Variants in PDE1A observed in about 807,000 individuals in gnomAD.
PDE1A encodes the protein dual specificity calcium/calmodulin-dependent 3',5'-cyclic nucleotide phosphodiesterase 1A.
Under a neutral mutation model 61.7 loss-of-function variants are expected in PDE1A, and 35 were observed. The ratio of observed to expected loss-of-function variants is 0.57; its 90% CI spans 0.43 to 0.75. PDE1A has a LOEUF of 0.75. Ranked by LOEUF, PDE1A falls within the 30% of genes least tolerant of loss-of-function variation. The pLI, the probability that PDE1A is intolerant of heterozygous loss-of-function variation, is 0.00. For synonymous variants in PDE1A, 232 were observed against 213.2 expected, an observed-to-expected ratio of 1.09 and a Z score of -0.77; for missense variants, 597 against 630.6, an observed-to-expected ratio of 0.95 and a Z score of 0.57.
chr2:182,474,318 T>C (rs1220368072), intron 2 of PDE1A, among the ~76,000 whole-genome samples: 2 of 151,908 alleles, frequency 1.3e-5, no homozygotes, highest in African/African-American at 4.8e-5. Flanking sequence ...GTTTATCAAA[T>C]GAAAGGACCC....
chr2:182,186,581 G>A (rs539673753), exon 12 of PDE1A: 11 of 1,601,272 alleles, frequency 6.9e-6, no homozygotes, highest in East Asian at 2.2e-5. Flanking sequence ...CTATGAAATC[G>A]ATGAAACCTA....
At chr2:182,563,409 T>C in the PDE1A span, among the ~76,000 whole-genome samples, 1 of 152,234 alleles carries the variant, frequency 6.6e-6, no homozygotes, top group Non-Finnish European at 1.5e-5. Flanking sequence ...GATTGCACTG[T>C]GGTCTGAGAG....
the PDE1A span, among the ~76,000 whole-genome samples, chr2:182,608,708 A>G: frequency 6.6e-6 from 1 of 152,152 alleles, no homozygotes; most frequent in Non-Finnish European, 1.5e-5. Flanking sequence ...GCGCCTCCGG[A>G]GCCTCCCCGA....
At chr2:182,237,330 A>G (rs1262357098) in intron 3 of PDE1A, among the ~76,000 whole-genome samples, 2 of 152,230 alleles carry the variant, frequency 1.3e-5, no homozygotes, top group East Asian at 3.9e-4. Context: ...TGTCTCTACT[A>G]AAAATACAAA....
At chr2:182,687,863 C>G in the PDE1A span, among the ~76,000 whole-genome samples, 1 of 152,090 alleles carries the variant, frequency 6.6e-6, no homozygotes, top group Non-Finnish European at 1.5e-5. Context: ...AACCATGGCA[C>G]AAGAACTATG....
chr2:182,646,734 A>G, the PDE1A span, among the ~76,000 whole-genome samples: 1 of 152,130 alleles, frequency 6.6e-6, no homozygotes, highest in Admixed American at 6.6e-5. Context: ...AATAATTCCC[A>G]AGTCAGTGAA....
intron 2 of PDE1A, among the ~76,000 whole-genome samples, chr2:182,477,052 T>C (rs1409323499): frequency 1.3e-5 from 2 of 151,914 alleles, no homozygotes; most frequent in East Asian, 3.9e-4. Context: ...GAGTTTGTCA[T>C]ATGGGCTATG....
At chr2:182,336,536 CAT>C (rs1317719413) in intron 1 of PDE1A, among the ~76,000 whole-genome samples, 11 of 152,112 alleles carry the variant, frequency 7.2e-5, no homozygotes, top group Admixed American at 7.2e-4. Context: ...CCAAACACCA[CAT>C]GTTCTCACTC....
At chr2:182,335,249 A>G (rs2124988995) in intron 1 of PDE1A, among the ~76,000 whole-genome samples, 1 of 152,334 alleles carries the variant, frequency 6.6e-6, no homozygotes, top group African/African-American at 2.4e-5. Flanking sequence ...CTTTCTTCAC[A>G]GAATTAGAAA....
chr2:182,427,275 G>A (rs1703681089), upstream of PDE1A, among the ~76,000 whole-genome samples: 1 of 152,160 alleles, frequency 6.6e-6, no homozygotes. Flanking sequence ...GCTGAAGTGT[G>A]GAGACGACTC....
At chr2:182,241,717 T>C (rs1690525556) in intron 2 of PDE1A, 1 of 704,216 alleles carries the variant, frequency 1.4e-6, no homozygotes, top group Admixed American at 3.8e-5. Flanking sequence ...AAAATAAACA[T>C]AAGTTCTGGA....
At chr2:182,305,777 A>T (rs955508464) in intron 1 of PDE1A, among the ~76,000 whole-genome samples, 26 of 152,032 alleles carry the variant, frequency 1.7e-4, no homozygotes, top group South Asian at 4.1e-4. Flanking sequence ...TTATAATTGT[A>T]TATATTTATG....
intron 1 of PDE1A, among the ~76,000 whole-genome samples, chr2:182,298,734 T>C (rs1695047150): frequency 6.6e-6 from 1 of 152,026 alleles, no homozygotes; most frequent in African/African-American, 2.4e-5. Context: ...GTCCCTTCTA[T>C]AGGAGGAAGG....
intron 1 of PDE1A, among the ~76,000 whole-genome samples, chr2:182,385,552 T>C (rs1700980664): frequency 8.3e-6 from 1 of 120,110 alleles, no homozygotes; most frequent in African/African-American, 3.1e-5. Context: ...CTATAGTGGA[T>C]ACACAAAAAA....
intron 2 of PDE1A, among the ~76,000 whole-genome samples, chr2:182,448,035 G>A (rs1473497455): frequency 6.6e-6 from 1 of 152,052 alleles, no homozygotes; most frequent in Non-Finnish European, 1.5e-5. Context: ...TGGCGTTACT[G>A]CTATTTTCCC....
At chr2:182,386,643 G>T (rs1168236194) in intron 1 of PDE1A, among the ~76,000 whole-genome samples, 1 of 150,768 alleles carries the variant, frequency 6.6e-6, no homozygotes, top group South Asian at 2.1e-4. Context: ...GAGCCCCTCC[G>T]CCCGGCAGCC....
intron 2 of PDE1A, among the ~76,000 whole-genome samples, chr2:182,458,814 A>G (rs954040291): frequency 6.6e-6 from 1 of 152,018 alleles, no homozygotes; most frequent in South Asian, 2.1e-4. Flanking sequence ...AGCAAAAACA[A>G]CTTAAGCCAT....
At chr2:182,417,240 T>G (rs1232547075) in intron 1 of PDE1A, among the ~76,000 whole-genome samples, 1 of 152,242 alleles carries the variant, frequency 6.6e-6, no homozygotes, top group Non-Finnish European at 1.5e-5. Flanking sequence ...GTTCCTTCCT[T>G]CTTCCAGTTG....
At chr2:182,391,838 A>G (rs1333606981) in intron 1 of PDE1A, among the ~76,000 whole-genome samples, 1 of 152,188 alleles carries the variant, frequency 6.6e-6, no homozygotes, top group Non-Finnish European at 1.5e-5. Flanking sequence ...AGTGAAATTG[A>G]TCGGAGGCCT....
Sources: gnomAD v4.1 joint callset for allele counts (sites outside exome capture counted in the v4.1 genomes callset) on GRCh38, gnomAD v4.1.1 for gene constraint, MANE v1.5 for transcripts, NCBI Gene and HGNC (gene_info 2026-07-23, HGNC 2026-07-21) for gene names.